Variants in TGM6 observed in about 807,000 individuals in gnomAD.
TGM6 encodes the protein transglutaminase 6.
In TGM6, 74 loss-of-function variants were observed where a neutral mutation model predicts 77.5. The ratio of observed to expected loss-of-function variants is 0.96; its 90% CI spans 0.79 to 1.16. The LOEUF (loss-of-function observed/expected upper bound fraction) is 1.16, where lower values mean the gene tolerates loss of function less well. Ranked by LOEUF, TGM6 falls within the 50% of genes most tolerant of loss-of-function variation. The pLI is 0.00. For synonymous variants in TGM6, 383 were observed against 378.9 expected, an observed-to-expected ratio of 1.01 and a Z score of -0.12; for missense variants, 968 against 940.2, an observed-to-expected ratio of 1.03 and a Z score of -0.39.
intron 1 of TGM6, among the ~76,000 whole-genome samples, chr20:2,381,725 T>C (rs969500291): frequency 6.6e-6 from 1 of 152,146 alleles, no homozygotes. Context: ...GAGACCAGCC[T>C]GGGCAATGTG....
At chr20:2,414,728 C>T (rs531384982) in intron 9 of TGM6, among the ~76,000 whole-genome samples, 105 of 152,152 alleles carry the variant, frequency 6.9e-4, no homozygotes, top group Non-Finnish European at 1.2e-3. Context: ...TAAAAAGGAA[C>T]GCAGTACTGA....
Position 2,394,526 on chromosome 20 carries a change from C to T in TGM6, c.82C>T (p.Pro28Ser). Residue 28 changes from proline (P) to serine (S), a missense_variant, in exon 2 of 13, where the codon CCT (proline) becomes TCT (serine). Pro to Ser is a moderately conservative substitution (Grantham distance 74, BLOSUM62 -1). Coordinates refer to ENST00000202625, the MANE Select transcript of TGM6 (RefSeq NM_198994.3). ...AAHHTQEYPC[P>S]ELVVRRGQSF... ...CCACCACACCCAGGAGTACCCCTGC[C>T]CTGAGCTGGTGGTTCGCAGGGGCCA... 1.2e-6 allele frequency: 2 copies of T among 1,611,904 alleles called. No individual in the cohort carries two copies. The highest frequency in any genetic ancestry group is 8.5e-7 in the Non-Finnish European group (1 of 1,179,850).
rs530441116 is a variant in TGM6 at position 2,396,371 on chromosome 20, C to A, written c.425-135C>A. ...GGCAGGGAGGCAGCACGGGAGCTCG[C>A]AAGCCCCCTCTTGACCTCTCCTGCC... On this transcript the variant is annotated intron_variant, in intron 3 of 12. Transcript: ENST00000202625. 4 of 844,892 alleles carry A rather than the reference C, an allele frequency of 4.7e-6. No individual in the cohort carries two copies. In the East Asian group the frequency reaches 9.9e-5, roughly 21 times the overall value. The allele number at this position is 844,892 out of a possible 1,614,324, so 52.3% of individuals were successfully genotyped here. A position where few individuals can be genotyped will look rare whatever the true frequency, so the allele number is the denominator to read the frequency against.
At chr20:2,429,938 T>C (rs965956125) in intron 10 of TGM6, among the ~76,000 whole-genome samples, 8 of 152,238 alleles carry the variant, frequency 5.3e-5, no homozygotes, top group South Asian at 4.2e-4. Flanking sequence ...CCTCAGTTGG[T>C]GGGGCTGACC....
chr20:2,381,244 T>C (rs1443813918), intron 1 of TGM6, among the ~76,000 whole-genome samples: 1 of 152,148 alleles, frequency 6.6e-6, no homozygotes, highest in Non-Finnish European at 1.5e-5. Flanking sequence ...CTCGGAGGAC[T>C]GAAGGAGGCA....
At chr20:2,383,013 G>T (rs1352181033) in intron 1 of TGM6, among the ~76,000 whole-genome samples, 2 of 152,202 alleles carry the variant, frequency 1.3e-5, no homozygotes, top group Non-Finnish European at 2.9e-5. Context: ...GGGACATTGG[G>T]TTGGAGTTGA....
At chr20:2,397,187 G>A (rs554356489) in intron 4 of TGM6, among the ~76,000 whole-genome samples, 19 of 152,242 alleles carry the variant, frequency 1.2e-4, no homozygotes, top group East Asian at 3.8e-4. Context: ...GGAGGCTTAC[G>A]TGATATTGTA....
chr20:2,425,199 C>A (rs945752431), intron 10 of TGM6, among the ~76,000 whole-genome samples: 3 of 151,906 alleles, frequency 2.0e-5, no homozygotes, highest in Non-Finnish European at 2.9e-5. Flanking sequence ...ATAAAAAATA[C>A]CTGCTGGGTG....
rs528543298 is a variant in TGM6 at position 2,383,296 on chromosome 20, G to A, written c.7+2321G>A. Among the ~76,000 whole-genome samples, 9 of 152,348 alleles carry A rather than the reference G, an allele frequency of 5.9e-5. 1 individual carries two copies. Among genetic ancestry groups the A allele is most frequent in the South Asian group, 4.1e-4 (2 of 4,828 alleles). On this transcript the variant is annotated intron_variant, in intron 1 of 12. Transcript: ENST00000202625. ...CACTGGCCTGAGACAAAGAATTGGG[G>A]AGGATTGTATCATTCAGCTCTCTGG...
chr20:2,419,200 C>T (rs889721393), intron 10 of TGM6, among the ~76,000 whole-genome samples: 1 of 152,104 alleles, frequency 6.6e-6, no homozygotes, highest in African/African-American at 2.4e-5. Context: ...GCTTTTTCAT[C>T]TGTCTCTCTA....
At position 2,396,490 on chromosome 20, in the gene TGM6, G is replaced by A. The variant is rs2084668293; in HGVS notation, c.425-16G>A. Reference sequence around the variant, plus strand: ...CAGAGCCCCAGTCCACACCGGGCCTGATGACTGCTTTTCAGAGGACGATGT... The same window carrying A: ...CAGAGCCCCAGTCCACACCGGGCCTAATGACTGCTTTTCAGAGGACGATGT... On this transcript the variant is annotated splice_polypyrimidine_tract_variant and intron_variant, in intron 3 of 12. Coordinates refer to ENST00000202625, the MANE Select transcript of TGM6 (RefSeq NM_198994.3). 6.2e-7 allele frequency: 1 copy of A among 1,613,754 alleles called. No homozygotes were observed. Among genetic ancestry groups the A allele is most frequent in the Non-Finnish European group, 8.5e-7 (1 of 1,179,630 alleles).
At chr20:2,421,767 A>T (rs1436213160) in intron 10 of TGM6, among the ~76,000 whole-genome samples, 1 of 152,244 alleles carries the variant, frequency 6.6e-6, no homozygotes, top group South Asian at 2.1e-4. Flanking sequence ...TGCAGTGCAG[A>T]GTTTTTAGTT....
intron 10 of TGM6, among the ~76,000 whole-genome samples, chr20:2,424,270 AT>A (rs913023541): frequency 5.9e-5 from 9 of 152,118 alleles, no homozygotes; most frequent in African/African-American, 2.2e-4. Flanking sequence ...ATATAAAGCT[AT>A]TTTTTCTACA....
intron 9 of TGM6, among the ~76,000 whole-genome samples, chr20:2,404,218 A>T (rs2084734461): frequency 6.6e-6 from 1 of 152,208 alleles, no homozygotes; most frequent in Non-Finnish European, 1.5e-5. Context: ...TCAGACTAAT[A>T]ATAATAGCAT....
At chr20:2,407,387 G>T (rs1319687524) in intron 9 of TGM6, among the ~76,000 whole-genome samples, 1 of 152,208 alleles carries the variant, frequency 6.6e-6, no homozygotes, top group Admixed American at 6.5e-5. Context: ...GGGAGGCCAA[G>T]GTGGGCAGAT....
intron 9 of TGM6, among the ~76,000 whole-genome samples, chr20:2,414,898 G>T (rs1395355970): frequency 1.4e-5 from 2 of 142,156 alleles, no homozygotes; most frequent in Non-Finnish European, 3.0e-5. Context: ...TTGGGGTGGG[G>T]AGGAATGGGA....
intron 10 of TGM6, among the ~76,000 whole-genome samples, chr20:2,424,530 T>C (rs1336742232): frequency 6.6e-6 from 1 of 152,226 alleles, no homozygotes; most frequent in African/African-American, 2.4e-5. Context: ...GGATTAGGCT[T>C]TGGCTTAATG....
In TGM6 at chr20:2,417,552, G is replaced by T. The variant is rs74338361; in HGVS notation, c.1657G>T (p.Val553Leu). 6.2e-6 allele frequency: 10 copies of T among 1,602,904 alleles called. No individual in the cohort carries two copies. The highest frequency in any genetic ancestry group is 8.5e-6 in the Non-Finnish European group (10 of 1,179,758). ...VAEILHESHA[V>L]RLGPQEEKRI... Reference sequence around the variant, plus strand: ...AGAGATCCTGCATGAATCCCACGCCGTGAGGCTGGGGCCGCAAGAAGGTAA... The same window carrying T: ...AGAGATCCTGCATGAATCCCACGCCTTGAGGCTGGGGCCGCAAGAAGGTAA... Residue 553 changes from valine (V) to leucine (L), a missense_variant, in exon 10 of 13, where the codon GTG (valine) becomes TTG (leucine). Physicochemically the swap from Val to Leu is conservative, Grantham distance 32. Coordinates refer to ENST00000202625, the MANE Select transcript of TGM6 (RefSeq NM_198994.3).
intron 1 of TGM6, among the ~76,000 whole-genome samples, chr20:2,388,115 G>A (rs2084608043): frequency 6.6e-6 from 1 of 152,182 alleles, no homozygotes; most frequent in Non-Finnish European, 1.5e-5. Flanking sequence ...TCCAGAGGGT[G>A]GGAATATATG....
Sources: gnomAD v4.1 joint callset for allele counts (sites outside exome capture counted in the v4.1 genomes callset) on GRCh38, gnomAD v4.1.1 for gene constraint, MANE v1.5 for transcripts, NCBI Gene and HGNC (gene_info 2026-07-23, HGNC 2026-07-21) for gene names.